Variants in PKIB observed in about 807,000 individuals in gnomAD.
PKIB encodes cAMP-dependent protein kinase inhibitor beta.
PKIB carries 2 observed loss-of-function variants against 4.5 expected under a neutral mutation model. The observed-to-expected ratio is 0.44, with a 90% CI of 0.18 to 1.39. The LOEUF (loss-of-function observed/expected upper bound fraction) is 1.39, where lower values mean the gene tolerates loss of function less well. Among genes scored for constraint, PKIB ranks in the 40% most tolerant of loss-of-function variants. The pLI is 0.27. For missense variants in PKIB, 94 were observed against 92.6 expected (o/e 1.02, Z -0.06); for synonymous variants, 38 against 36.0 (o/e 1.06, Z -0.20).
At chr6:122,563,990 T>C (rs1199471332) in intron 2 of PKIB, among the ~76,000 whole-genome samples, 2 of 152,200 alleles carry the variant, frequency 1.3e-5, no homozygotes, top group African/African-American at 4.8e-5. Context: ...CGGGTTCATA[T>C]TATTACAAAG....
At chr6:122,709,304 G>A (rs1020482630) in intron 3 of PKIB, among the ~76,000 whole-genome samples, 2 of 152,130 alleles carry the variant, frequency 1.3e-5, no homozygotes, top group African/African-American at 4.8e-5. Flanking sequence ...TAACAAACAA[G>A]AGGACTAAGG....
At chr6:122,661,396 C>G (rs9490515) in intron 2 of PKIB, among the ~76,000 whole-genome samples, 2 of 152,128 alleles carry the variant, frequency 1.3e-5, no homozygotes, top group South Asian at 2.1e-4. Context: ...TAGGCCACCA[C>G]AAATTTTTCT....
chr6:122,592,369 C>G (rs950649137), intron 3 of PKIB, among the ~76,000 whole-genome samples: 1 of 152,050 alleles, frequency 6.6e-6, no homozygotes, highest in Non-Finnish European at 1.5e-5. Flanking sequence ...TGTATGCAAC[C>G]TTTCCATCAG....
At chr6:122,491,328 G>A (rs1213050349) in intron 2 of PKIB, among the ~76,000 whole-genome samples, 1 of 152,180 alleles carries the variant, frequency 6.6e-6, no homozygotes, top group East Asian at 1.9e-4. Flanking sequence ...TCATATACCA[G>A]TTAAACTCCA....
At chr6:122,723,372 C>A (rs1779817101) in intron 4 of PKIB, among the ~76,000 whole-genome samples, 1 of 152,140 alleles carries the variant, frequency 6.6e-6, no homozygotes, top group South Asian at 2.1e-4. Flanking sequence ...AGTCTCCTGA[C>A]AACAGCTCTT....
At chr6:122,518,992 G>A (rs1776849286) in intron 2 of PKIB, among the ~76,000 whole-genome samples, 1 of 152,162 alleles carries the variant, frequency 6.6e-6, no homozygotes, top group Non-Finnish European at 1.5e-5. Context: ...AGAAGAAAAT[G>A]CTATAATACA....
chr6:122,706,483 A>C (rs1779060179), intron 3 of PKIB, among the ~76,000 whole-genome samples: 1 of 152,172 alleles, frequency 6.6e-6, no homozygotes, highest in Non-Finnish European at 1.5e-5. Flanking sequence ...GTAGATGCTT[A>C]ACAATAATTG....
At chr6:122,488,454 A>G (rs7767114) in intron 2 of PKIB, among the ~76,000 whole-genome samples, 83,581 of 151,868 alleles carry the variant, frequency 0.55, 23,251 homozygotes, top group South Asian at 0.68. Flanking sequence ...AAGATCTTCC[A>G]GGGTCTCACT....
chr6:122,591,220 C>CACACACACA (rs1554222348), intron 3 of PKIB, among the ~76,000 whole-genome samples: 3 of 142,810 alleles, frequency 2.1e-5, no homozygotes, highest in African/African-American at 7.9e-5. Flanking sequence ...ACACACACAC[C>CACACACACA]CCCCACATAC....
At chr6:122,531,218 T>C (rs116775023) in intron 2 of PKIB, 53 of 152,278 alleles carry the variant, frequency 3.5e-4, no homozygotes, top group African/African-American at 1.3e-3. Flanking sequence ...ACATGGGAAT[T>C]CTCTGTAAAT....
At chr6:122,680,537 GAA>G (rs1289212596) in intron 3 of PKIB, among the ~76,000 whole-genome samples, 1 of 152,198 alleles carries the variant, frequency 6.6e-6, no homozygotes, top group East Asian at 1.9e-4. Context: ...TGGGCTTTGG[GAA>G]AAGAGGGATT....
chr6:122,664,025 G>A (rs1425578678), intron 2 of PKIB, among the ~76,000 whole-genome samples: 1 of 152,128 alleles, frequency 6.6e-6, no homozygotes, highest in East Asian at 1.9e-4. Context: ...ATATTCATGA[G>A]GATGTGGATA....
In PKIB at chr6:122,472,261, T is replaced by C. The variant is rs191325709; in HGVS notation, c.-337+220T>C. ...CTGTTTTGCTCTTGCGTTTGCAACG[T>C]ATTCCTGCAGCCCGCTGCCCGGAAC... On this transcript the variant is annotated intron_variant, in intron 1 of 6. Transcript: ENST00000392491. Among the ~76,000 whole-genome samples the C allele has an allele frequency of 1.6e-4, 25 of 152,374 alleles. 1 individual carries two copies. Among genetic ancestry groups the C allele is most frequent in the African/African-American group, 5.5e-4 (23 of 41,588 alleles).
chr6:122,544,341 A>G (rs1028830956), intron 2 of PKIB, among the ~76,000 whole-genome samples: 2 of 150,554 alleles, frequency 1.3e-5, no homozygotes, highest in African/African-American at 4.9e-5. Context: ...GTGAAAAGTC[A>G]TATACTTAAC....
chr6:122,553,481 CTTTTT>C (rs533553939), intron 2 of PKIB, among the ~76,000 whole-genome samples: 11,487 of 65,760 alleles, frequency 0.17, 920 homozygotes, highest in South Asian at 0.26. Flanking sequence ...CAAATATCTT[CTTTTT>C]TTTTTTTTTT....
chr6:122,557,028 A>G lies in PKIB; in HGVS notation c.-247-28893A>G, dbSNP rs376882284. On this transcript the variant is annotated intron_variant, in intron 2 of 6. Transcript: ENST00000392491. The stretch of plus-strand genomic sequence containing the variant: ...CAGAGGTCTGAGACCAGCCTGGCCA[A>G]CATGGTAAAATCCTGTCTCTACTAA... 3.3e-4 allele frequency among the ~76,000 whole-genome samples: 50 copies of G among 152,332 alleles called. 1 individual carries two copies. Among genetic ancestry groups the G allele is most frequent in the African/African-American group, 1.2e-3 (48 of 41,594 alleles).
chr6:122,601,558 T>C (rs1774369105), intron 3 of PKIB, among the ~76,000 whole-genome samples: 1 of 152,144 alleles, frequency 6.6e-6, no homozygotes. Flanking sequence ...CTGTAGAGTT[T>C]CTTCCACCTC....
At chr6:122,628,265 G>A (rs1300784313) in intron 1 of PKIB, among the ~76,000 whole-genome samples, 5 of 152,174 alleles carry the variant, frequency 3.3e-5, no homozygotes, top group Non-Finnish European at 7.3e-5. Flanking sequence ...TCAAACTCCC[G>A]ACCTCAGGTG....
intron 3 of PKIB, among the ~76,000 whole-genome samples, chr6:122,601,167 T>C (rs889325916): frequency 6.6e-6 from 1 of 151,870 alleles, no homozygotes; most frequent in African/African-American, 2.4e-5. Context: ...TAATGATCTG[T>C]GGGACAACTT....
Sources: allele counts gnomAD v4.1 joint callset (sites outside exome capture counted in the v4.1 genomes callset), GRCh38; gene constraint gnomAD v4.1.1; transcripts MANE v1.5; gene names NCBI Gene and HGNC (gene_info 2026-07-23, HGNC 2026-07-21).